KIZ: variants seen among roughly 807,000 people sequenced by gnomAD.
The protein encoded by KIZ is kizuna centrosomal protein, also known as centrosomal protein kizuna.
In KIZ, 68 loss-of-function variants were observed where a neutral mutation model predicts 79.6. The observed-to-expected ratio is 0.85, with a 90% CI of 0.70 to 1.05. The LOEUF (loss-of-function observed/expected upper bound fraction) is 1.05, where lower values mean the gene tolerates loss of function less well. KIZ is among the 50% of genes least tolerant of loss of function. The pLI is 0.00. For synonymous variants in KIZ, 280 were observed against 281.8 expected, an observed-to-expected ratio of 0.99 and a Z score of 0.06; for missense variants, 797 against 800.4, an observed-to-expected ratio of 1.00 and a Z score of 0.05.
chr20:21,128,485 C>G (rs1227219920), intron 1 of KIZ, among the ~76,000 whole-genome samples: 1 of 152,194 alleles, frequency 6.6e-6, no homozygotes, highest in African/African-American at 2.4e-5. Flanking sequence ...CCCTCTTTCT[C>G]AGCCCTTTTA....
At chr20:21,222,207 G>A (rs1248345711) in intron 9 of KIZ, among the ~76,000 whole-genome samples, 1 of 152,206 alleles carries the variant, frequency 6.6e-6, no homozygotes, top group African/African-American at 2.4e-5. Flanking sequence ...TTTCTGAAGG[G>A]TCTTCTGGAC....
chr20:21,133,196 A>T (rs146588827), intron 2 of KIZ: 1 of 152,246 alleles, frequency 6.6e-6, no homozygotes, highest in East Asian at 1.9e-4. Flanking sequence ...CAAATTACCT[A>T]TTAGGTCAGT....
intron 7 of KIZ, among the ~76,000 whole-genome samples, chr20:21,207,116 G>A (rs1490711037): frequency 1.3e-5 from 2 of 151,942 alleles, no homozygotes; most frequent in East Asian, 1.9e-4. Flanking sequence ...TAAAATTATT[G>A]TTACCATGCT....
In KIZ at chr20:21,145,591, G is replaced by A; in HGVS notation, c.342G>A (p.Lys114=). 6.6e-7 allele frequency: 1 copy of A among 1,519,084 alleles called. No homozygotes were observed. Among genetic ancestry groups the A allele is most frequent in the Middle Eastern group, 1.7e-4 (1 of 5,930 alleles). 94.1% of individuals were successfully genotyped at this position (1,519,084 alleles called of 1,614,324 possible). A position where few individuals can be genotyped will look rare whatever the true frequency, so the allele number is the denominator to read the frequency against. Residue 114 remains lysine (K), a synonymous_variant, in exon 4 of 13, where the codon AAG becomes AAA. Transcript: ENST00000619189. The part of the protein sequence containing the change: ...LKLEYETQIK[K]MLCSKDSLGL... ...TCGAATATGAGACTCAAATTAAGAA[G>A]ATGCTATGCTCAAAAGATAGCCTGG...
intron 6 of KIZ, among the ~76,000 whole-genome samples, chr20:21,204,816 A>AT (rs1379059345): frequency 1.3e-5 from 2 of 152,192 alleles, no homozygotes; most frequent in Non-Finnish European, 2.9e-5. Context: ...TTTTTAAAAA[A>AT]CTGTAAGTAG....
At chr20:21,166,666 C>G (rs909980857) in intron 6 of KIZ, 19 of 719,962 alleles carry the variant, frequency 2.6e-5, no homozygotes, top group Non-Finnish European at 4.2e-5. Context: ...CCATGTTGGT[C>G]AGGCTGGTCT....
chr20:21,175,734 G>A (rs1244150489), intron 6 of KIZ, among the ~76,000 whole-genome samples: 1 of 152,202 alleles, frequency 6.6e-6, no homozygotes, highest in African/African-American at 2.4e-5. Context: ...AGGAGGCCAG[G>A]CATGGTGGCT....
chr20:21,190,681 C>G (rs1464141077), intron 6 of KIZ, among the ~76,000 whole-genome samples: 1 of 152,118 alleles, frequency 6.6e-6, no homozygotes, highest in Non-Finnish European at 1.5e-5. Flanking sequence ...ACATCTGTTT[C>G]AAGTAAAAAT....
chr20:21,222,676 G>A (rs1195706633), intron 9 of KIZ, among the ~76,000 whole-genome samples: 1 of 152,324 alleles, frequency 6.6e-6, no homozygotes, highest in East Asian at 1.9e-4. Context: ...CTCTGAAGGT[G>A]CTAGCCAGTG....
At chr20:21,189,607 A>G (rs2035028983) in intron 6 of KIZ, among the ~76,000 whole-genome samples, 1 of 152,228 alleles carries the variant, frequency 6.6e-6, no homozygotes, top group Non-Finnish European at 1.5e-5. Context: ...GATGAGGTCT[A>G]TTCAGAGGCC....
intron 6 of KIZ, among the ~76,000 whole-genome samples, chr20:21,167,973 AG>A (rs1223531268): frequency 6.6e-6 from 1 of 152,108 alleles, no homozygotes; most frequent in African/African-American, 2.4e-5. Flanking sequence ...CACAACATGC[AG>A]GTTAGTTACA....
At chr20:21,232,893 A>C (rs1200976109) in intron 11 of KIZ, 63 bp downstream of exon 11, 2 of 754,644 alleles carry the variant, frequency 2.7e-6, no homozygotes, top group Admixed American at 4.0e-5. Flanking sequence ...AGCGCAATGA[A>C]TTAAACTCTG....
chr20:21,185,074 G>GTGTGTGTGTGTGTGTGTGTGTGTGTGTC (rs2034817264), intron 6 of KIZ, among the ~76,000 whole-genome samples: 3 of 152,144 alleles, frequency 2.0e-5, no homozygotes, highest in African/African-American at 7.2e-5. Flanking sequence ...GTGTGTGTGT[G>GTGTGTGTGTGTGTGTGTGTGTGTGTGTC]TGTCTGTGTG....
intron 6 of KIZ, among the ~76,000 whole-genome samples, chr20:21,177,849 T>C (rs1293329510): frequency 6.6e-6 from 1 of 152,156 alleles, no homozygotes; most frequent in Non-Finnish European, 1.5e-5. Flanking sequence ...CCTCATCATA[T>C]ATTCTTGATA....
At chr20:21,224,937 A>G (rs1241175393) in intron 9 of KIZ, among the ~76,000 whole-genome samples, 1 of 151,958 alleles carries the variant, frequency 6.6e-6, no homozygotes, top group Non-Finnish European at 1.5e-5. Flanking sequence ...GCATGTTTTC[A>G]CTTTCTTTCT....
intron 6 of KIZ, chr20:21,195,957 G>A (rs2035326665): frequency 6.6e-6 from 1 of 152,524 alleles, no homozygotes; most frequent in Non-Finnish European, 1.5e-5. Context: ...TTCCTCCCTT[G>A]CCTCACCCAC....
At position 21,239,383 on chromosome 20, in the gene KIZ, TC is replaced by T. The variant is rs544133440; in HGVS notation, c.1881-4859del. ...TACAACGTGTACATTTGTAGGAGTG[TC>T]CCAGGAGGAGCATTTTGTTCCACTT... On this transcript the variant is annotated intron_variant, in intron 11 of 12. Transcript: ENST00000619189. Among the ~76,000 whole-genome samples, 7 of 152,320 alleles carry T rather than the reference TC, an allele frequency of 4.6e-5. No homozygotes were observed. The East Asian group carries it at 1.3e-3, about 29-fold the overall frequency.
chr20:21,144,589 GA>G (rs761674702), intron 3 of KIZ, among the ~76,000 whole-genome samples: 2 of 150,224 alleles, frequency 1.3e-5, no homozygotes, highest in African/African-American at 4.9e-5. Context: ...CTCTGCTGGA[GA>G]AAAAAAAATC....
At chr20:21,145,767 C>A in intron 4 of KIZ, 113 bp downstream of exon 4, 1 of 462,146 alleles carries the variant, frequency 2.2e-6, no homozygotes, top group Non-Finnish European at 3.9e-6. Flanking sequence ...TTTGATTAAA[C>A]CTTACGTGAT....
Sources: gnomAD v4.1 joint callset for allele counts (sites outside exome capture counted in the v4.1 genomes callset) on GRCh38, gnomAD v4.1.1 for gene constraint, MANE v1.5 for transcripts, NCBI Gene and HGNC (gene_info 2026-07-23, HGNC 2026-07-21) for gene names.